The following LTBP1 variants were observed in gnomAD, a reference collection of about 807,000 sequenced individuals.
The protein encoded by LTBP1 is latent transforming growth factor beta binding protein 1.
Under a neutral mutation model 207.6 loss-of-function variants are expected in LTBP1, and 129 were observed. The observed-to-expected ratio is 0.62, with a 90% CI of 0.54 to 0.72. LTBP1 has a LOEUF of 0.72. Ranked by LOEUF, LTBP1 falls within the 30% of genes least tolerant of loss-of-function variation. The pLI, the probability that LTBP1 is intolerant of heterozygous loss-of-function variation, is 0.00. For synonymous variants in LTBP1, 963 were observed against 833.7 expected (o/e 1.16, Z -2.67); for missense variants, 2,281 against 2,217.2 (o/e 1.03, Z -0.58).
intron 26 of LTBP1, among the ~76,000 whole-genome samples, chr2:33,353,370 A>G (rs746084979): frequency 3.3e-5 from 5 of 152,074 alleles, no homozygotes; most frequent in African/African-American, 4.8e-5. Flanking sequence ...AATCCCCAAG[A>G]TGGAATTACA....
chr2:33,072,029 C>T (rs947257671), intron 3 of LTBP1, among the ~76,000 whole-genome samples: 9 of 88,960 alleles, frequency 1.0e-4, no homozygotes, highest in Admixed American at 3.1e-4. Context: ...CTCAGTCCCA[C>T]GAGACTGCCC....
At position 33,065,375 on chromosome 2, in the gene LTBP1, G is replaced by A. The variant is rs995568939; in HGVS notation, c.863+44169G>A. ...TTGAGACCATCCTGGGTAACACAAT[G>A]AGACTCCATCTCTACAAAAAATAAA... On this transcript the variant is annotated intron_variant, in intron 3 of 33. Transcript: ENST00000404816. 2.0e-5 allele frequency among the ~76,000 whole-genome samples: 3 copies of A among 152,214 alleles called. No homozygotes were observed. In the South Asian group the frequency reaches 6.2e-4, roughly 32 times the overall value.
chr2:33,288,402 T>C (rs1425821102), intron 19 of LTBP1, among the ~76,000 whole-genome samples: 2 of 152,148 alleles, frequency 1.3e-5, no homozygotes, highest in African/African-American at 4.8e-5. Flanking sequence ...TTTTAAATTT[T>C]AAAAGGTTCT....
chr2:33,350,203 A>C (rs1044210478), intron 26 of LTBP1, among the ~76,000 whole-genome samples: 2 of 152,236 alleles, frequency 1.3e-5, no homozygotes, highest in African/African-American at 4.8e-5. Flanking sequence ...TAGGAAGGGA[A>C]AGATAAATTT....
Position 32,947,277 on chromosome 2 carries a change from G to A in LTBP1, c.-48G>A, listed in dbSNP as rs1676310682. On this transcript the variant is annotated 5_prime_UTR_variant, in exon 1 of 34. Transcript: ENST00000404816. ...GGGAAAGGCGAGCCGCACGGCCGGG[G>A]GAGGGGGCCGGACCGCGCGCGACCG... 3.3e-6 allele frequency: 4 copies of A among 1,197,640 alleles called. No individual in the cohort carries two copies. The highest frequency in any genetic ancestry group is 3.3e-4 in the Middle Eastern group (1 of 3,036). The allele number at this position is 1,197,640 out of a possible 1,614,324, so 74.2% of individuals were successfully genotyped here. A position where few individuals can be genotyped will look rare whatever the true frequency, so the allele number is the denominator to read the frequency against.
intron 5 of LTBP1, among the ~76,000 whole-genome samples, chr2:33,159,009 C>A (rs2084234106): frequency 6.6e-6 from 1 of 152,096 alleles, no homozygotes; most frequent in Non-Finnish European, 1.5e-5. Context: ...GATGAAAATA[C>A]CTATCGTGAT....
intron 3 of LTBP1, among the ~76,000 whole-genome samples, chr2:33,048,765 G>A (rs1309760939): frequency 6.6e-6 from 1 of 152,136 alleles, no homozygotes; most frequent in Non-Finnish European, 1.5e-5. Context: ...TAGACTTACA[G>A]ATGATAGGAT....
At chr2:32,984,893 T>C (rs567465657) in intron 2 of LTBP1, among the ~76,000 whole-genome samples, 23 of 152,246 alleles carry the variant, frequency 1.5e-4, no homozygotes, top group African/African-American at 5.3e-4. Context: ...ATTGCGCCAC[T>C]GAACTCCAGC....
chr2:32,988,708 C>T (rs1683965670), intron 2 of LTBP1, among the ~76,000 whole-genome samples: 2 of 152,172 alleles, frequency 1.3e-5, no homozygotes, highest in Non-Finnish European at 2.9e-5. Flanking sequence ...CAGGATCAGC[C>T]TTTCCCACCT....
chr2:32,985,907 G>A (rs559551095), intron 2 of LTBP1, among the ~76,000 whole-genome samples: 1 of 151,938 alleles, frequency 6.6e-6, no homozygotes, highest in African/African-American at 2.4e-5. Flanking sequence ...CTTCTGATTG[G>A]CTTCTTTCCT....
chr2:33,177,796 A>G (rs1369322064), intron 5 of LTBP1, among the ~76,000 whole-genome samples: 2 of 152,258 alleles, frequency 1.3e-5, no homozygotes, highest in Admixed American at 6.5e-5. Context: ...GTAGCAATAC[A>G]TGGTGCATAC....
intron 9 of LTBP1, among the ~76,000 whole-genome samples, chr2:33,228,588 C>G (rs1392630095): frequency 1.3e-5 from 2 of 151,788 alleles, no homozygotes; most frequent in Non-Finnish European, 2.9e-5. Flanking sequence ...CAAAACAATC[C>G]TATGAGATTT....
chr2:33,397,560 T>C (rs1281865864), intron 33 of LTBP1, among the ~76,000 whole-genome samples: 1 of 134,376 alleles, frequency 7.4e-6, no homozygotes, highest in South Asian at 2.3e-4. Context: ...CAGGCTGGAG[T>C]GCAGTGGGGT....
At chr2:33,067,565 G>A (rs530071038) in intron 3 of LTBP1, among the ~76,000 whole-genome samples, 2 of 152,236 alleles carry the variant, frequency 1.3e-5, no homozygotes, top group Non-Finnish European at 1.5e-5. Flanking sequence ...GAAACAAATG[G>A]CATCTGTACT....
At chr2:33,240,860 C>A (rs552989090) in intron 9 of LTBP1, among the ~76,000 whole-genome samples, 1 of 151,974 alleles carries the variant, frequency 6.6e-6, no homozygotes, top group Non-Finnish European at 1.5e-5. Context: ...CTGTGTTAGC[C>A]AGGATGGTCT....
chr2:33,080,900 G>A (rs1046347990), intron 3 of LTBP1, among the ~76,000 whole-genome samples: 12 of 152,150 alleles, frequency 7.9e-5, no homozygotes, highest in Admixed American at 6.5e-4. Context: ...CCATTGCAAG[G>A]TTCGTGGCTG....
At position 33,036,678 on chromosome 2, in the gene LTBP1, G is replaced by A. The variant is rs2075941737; in HGVS notation, c.863+15472G>A. 1.3e-5 allele frequency among the ~76,000 whole-genome samples: 2 copies of A among 152,122 alleles called. 1 individual carries two copies. The highest frequency in any genetic ancestry group is 1.3e-4 in the Admixed American group (2 of 15,276). On this transcript the variant is annotated intron_variant, in intron 3 of 33. Transcript: ENST00000404816. ...TCACCATGTTGGCCAGTCTGGTCTT[G>A]TACTCCTGACCTCAGTTGATCCACC...
chr2:33,204,886 G>A (rs1349374294), intron 7 of LTBP1, among the ~76,000 whole-genome samples: 1 of 152,228 alleles, frequency 6.6e-6, no homozygotes, highest in Non-Finnish European at 1.5e-5. Context: ...CAGAGATTGG[G>A]ACTAGCTTGT....
chr2:33,034,176 C>T (rs1235145349), intron 3 of LTBP1, among the ~76,000 whole-genome samples: 1 of 149,206 alleles, frequency 6.7e-6, no homozygotes, highest in Non-Finnish European at 1.5e-5. Flanking sequence ...GGCATGGATA[C>T]GCAAATCTAC....
Sources: gnomAD v4.1 joint callset for allele counts (sites outside exome capture counted in the v4.1 genomes callset) on GRCh38, gnomAD v4.1.1 for gene constraint, MANE v1.5 for transcripts, NCBI Gene and HGNC (gene_info 2026-07-23, HGNC 2026-07-21) for gene names.